Variants in MFN1 observed in about 807,000 individuals in gnomAD.
MFN1 encodes mitofusin 1.
MFN1 carries 65 observed loss-of-function variants against 92.4 expected under a neutral mutation model. The ratio of observed to expected loss-of-function variants is 0.70; its 90% CI spans 0.58 to 0.86. The LOEUF is 0.86. Ranked by LOEUF, MFN1 falls within the 40% of genes least tolerant of loss-of-function variation. MFN1 has a pLI of 0.00. For missense variants in MFN1, 781 were observed against 868.0 expected (o/e 0.90, Z 1.26); for synonymous variants, 297 against 300.9 (o/e 0.99, Z 0.13).
chr3:179,374,608 CACTA>C (rs1237557369), intron 9 of MFN1, among the ~76,000 whole-genome samples: 14 of 152,012 alleles, frequency 9.2e-5, no homozygotes, highest in African/African-American at 2.9e-4. Flanking sequence ...TCTGTGTACA[CACTA>C]TATTCTAATG....
chr3:179,370,380 A>G (rs953835723), intron 9 of MFN1, among the ~76,000 whole-genome samples: 4 of 138,294 alleles, frequency 2.9e-5, no homozygotes, highest in African/African-American at 1.1e-4. Context: ...TTGGGGTTTC[A>G]TTCACTAAGT....
At chr3:179,389,085 A>T (rs1351779795) in intron 16 of MFN1, among the ~76,000 whole-genome samples, 1 of 152,248 alleles carries the variant, frequency 6.6e-6, no homozygotes, top group Non-Finnish European at 1.5e-5. Context: ...AGTCTGAACT[A>T]ACAGTTAATA....
chr3:179,367,934 G>GTA (rs143669422), intron 8 of MFN1, 102 bp from the exon 9 acceptor site: 121,480 of 403,416 alleles, frequency 0.3, 12,502 homozygotes, highest in East Asian at 0.49. Context: ...GGGGGAAAAA[G>GTA]TATATATATA....
chr3:179,382,004 ATTTCTGT>A (rs1713486001), intron 14 of MFN1, among the ~76,000 whole-genome samples: 1 of 152,146 alleles, frequency 6.6e-6, no homozygotes, highest in Non-Finnish European at 1.5e-5. Flanking sequence ...TTTTTGAAAC[ATTTCTGT>A]TTTCTTAAAA....
At chr3:179,378,289 A>G in intron 12 of MFN1, 52 bp from the exon 13 acceptor site, 1 of 1,338,752 alleles carries the variant, frequency 7.5e-7, no homozygotes, top group Non-Finnish European at 1.0e-6. Flanking sequence ...CTTTATAAAA[A>G]CTACATACTT....
At chr3:179,349,044 C>A in intron 2 of MFN1, 81 bp downstream of exon 2, 1 of 1,170,650 alleles carries the variant, frequency 8.5e-7, no homozygotes, top group Non-Finnish European at 1.2e-6. Context: ...AGTTATTGAA[C>A]ACATGTATAG....
rs1712455274 is a variant in MFN1, at chr3:179,358,985, G to T, written c.394G>T (p.Glu132Ter). The change falls in exon 4 of 18, where the codon GAA becomes TAA. Residue 132 changes from glutamate to a stop codon, truncating the protein, a stop_gained. Transcript: ENST00000471841. LOFTEE classifies it high-confidence loss of function. ...CTATCTTATGACAGAAGGATCAGAT[G>T]AAAAAAAGAGTGTGAAGGTATGATC... ...KAYLMTEGSD[E>*]KKSVKTVNQL... is the part of the protein sequence containing the mutation. The T allele has an allele frequency of 3.1e-6, 5 of 1,610,400 alleles. No homozygotes were observed. The South Asian group carries it at 5.5e-5, about 18-fold the overall frequency.
In MFN1 at chr3:179,374,507, A is replaced by G. The variant is rs1033908122; in HGVS notation, c.976-713A>G. Reference sequence around the variant, plus strand: ...GCATTGTGACGTATTTTTTATTTAAATAAACACTGGTTATAAAACACTGAT... The same window carrying G: ...GCATTGTGACGTATTTTTTATTTAAGTAAACACTGGTTATAAAACACTGAT... On this transcript the variant is annotated intron_variant, in intron 9 of 17. Transcript: ENST00000471841. 2.6e-5 allele frequency among the ~76,000 whole-genome samples: 4 copies of G among 151,516 alleles called. No homozygotes were observed. In the South Asian group the frequency reaches 8.3e-4, roughly 31 times the overall value.
At chr3:179,381,560 C>A (rs1316073172) in intron 14 of MFN1, among the ~76,000 whole-genome samples, 1 of 152,122 alleles carries the variant, frequency 6.6e-6, no homozygotes, top group Non-Finnish European at 1.5e-5. Flanking sequence ...CTATTAAGTT[C>A]CTTTGTGTGA....
intron 4 of MFN1, among the ~76,000 whole-genome samples, chr3:179,360,123 C>G (rs879641344): frequency 3.9e-5 from 6 of 152,132 alleles, no homozygotes; most frequent in Admixed American, 3.3e-4. Context: ...ACCATATTGC[C>G]CAGGCTGGTC....
At chr3:179,348,627 A>T in intron 1 of MFN1, 1 of 549,256 alleles carries the variant, frequency 1.8e-6, no homozygotes, top group Non-Finnish European at 2.7e-6. Flanking sequence ...ATTGCAACCA[A>T]GATTTTGGCT....
intron 9 of MFN1, among the ~76,000 whole-genome samples, chr3:179,371,235 G>A (rs1233477019): frequency 6.6e-6 from 1 of 152,188 alleles, no homozygotes; most frequent in Non-Finnish European, 1.5e-5. Context: ...CCTGGGCATT[G>A]GTGGCTCATG....
chr3:179,367,002 A>G (rs1258309189), intron 7 of MFN1, among the ~76,000 whole-genome samples: 1 of 152,232 alleles, frequency 6.6e-6, no homozygotes, highest in African/African-American at 2.4e-5. Flanking sequence ...ATCTTGGCTC[A>G]CTGCAGCCTC....
chr3:179,370,353 C>T (rs1712971521), intron 9 of MFN1, among the ~76,000 whole-genome samples: 1 of 145,312 alleles, frequency 6.9e-6, no homozygotes, highest in Admixed American at 6.9e-5. Flanking sequence ...TAATTTATCA[C>T]TTAATAAATA....
intron 9 of MFN1, among the ~76,000 whole-genome samples, chr3:179,372,251 T>C (rs886353566): frequency 2.6e-5 from 4 of 151,212 alleles, no homozygotes; most frequent in Admixed American, 2.0e-4. Context: ...CACTTTCTAT[T>C]GAAAGTATAT....
chr3:179,353,509 A>T (rs1003233528), intron 3 of MFN1, among the ~76,000 whole-genome samples: 17 of 152,276 alleles, frequency 1.1e-4, no homozygotes, highest in African/African-American at 3.8e-4. Context: ...TACCTGGCTA[A>T]TTTAGAGGTG....
intron 14 of MFN1, 35 bp downstream of exon 14, chr3:179,378,849 C>G (rs1408246789): frequency 6.8e-7 from 1 of 1,468,782 alleles, no homozygotes; most frequent in Non-Finnish European, 9.4e-7. Flanking sequence ...TAAGACTCTC[C>G]TTTATTATTT....
intron 14 of MFN1, among the ~76,000 whole-genome samples, chr3:179,381,815 C>G (rs1272649833): frequency 1.3e-5 from 2 of 152,152 alleles, no homozygotes; most frequent in African/African-American, 2.4e-5. Context: ...GGACTTGGGT[C>G]CCATCCTCAA....
intron 14 of MFN1, among the ~76,000 whole-genome samples, chr3:179,383,253 T>C (rs1318416802): frequency 6.6e-6 from 1 of 152,234 alleles, no homozygotes; most frequent in Non-Finnish European, 1.5e-5. Flanking sequence ...GTATAAGGTG[T>C]AAGGAAGGGA....
Sources: allele counts gnomAD v4.1 joint callset (sites outside exome capture counted in the v4.1 genomes callset), GRCh38; gene constraint gnomAD v4.1.1; transcripts MANE v1.5; gene names NCBI Gene and HGNC (gene_info 2026-07-23, HGNC 2026-07-21).